The following PDE7B variants were observed in gnomAD, a reference collection of about 807,000 sequenced individuals.
PDE7B encodes the protein phosphodiesterase 7B.
A neutral mutation model predicts 56.2 loss-of-function variants in PDE7B; 29 were observed. The ratio of observed to expected loss-of-function variants is 0.52; its 90% CI spans 0.38 to 0.70. The LOEUF is 0.70. Ranked by LOEUF, PDE7B falls within the 30% of genes least tolerant of loss-of-function variation. The pLI, the probability that PDE7B is intolerant of heterozygous loss-of-function variation, is 0.00. For synonymous variants in PDE7B, 197 were observed against 196.9 expected, an observed-to-expected ratio of 1.00 and a Z score of 0.00; for missense variants, 490 against 565.0, an observed-to-expected ratio of 0.87 and a Z score of 1.35.
intron 2 of PDE7B, among the ~76,000 whole-genome samples, chr6:135,949,389 T>G (rs1774655241): frequency 6.6e-6 from 1 of 152,098 alleles, no homozygotes; most frequent in African/African-American, 2.4e-5. Flanking sequence ...TCTTCTAGAT[T>G]ATGTGGTATG....
chr6:136,168,713 G>C (rs1412570440), intron 8 of PDE7B, among the ~76,000 whole-genome samples: 4 of 152,150 alleles, frequency 2.6e-5, no homozygotes, highest in Admixed American at 1.3e-4. Context: ...ACTGATTGCA[G>C]ATGAGGGTTG....
At chr6:136,001,544 G>C (rs1259696120) in intron 2 of PDE7B, among the ~76,000 whole-genome samples, 1 of 152,076 alleles carries the variant, frequency 6.6e-6, no homozygotes, top group African/African-American at 2.4e-5. Flanking sequence ...CGAGAACTAC[G>C]TGAAGAATGC....
chr6:135,884,538 A>C (rs1303675941), intron 1 of PDE7B, among the ~76,000 whole-genome samples: 1 of 152,166 alleles, frequency 6.6e-6, no homozygotes, highest in Non-Finnish European at 1.5e-5. Context: ...TCCTGGTCCC[A>C]GTACTTTCTT....
intron 8 of PDE7B, among the ~76,000 whole-genome samples, chr6:136,172,651 T>G (rs868487342): frequency 0.025 from 3,793 of 151,914 alleles, 136 homozygotes; most frequent in African/African-American, 0.086. Flanking sequence ...AGATCCCATT[T>G]GTCAATTTTG....
intron 2 of PDE7B, among the ~76,000 whole-genome samples, chr6:135,964,813 G>T (rs114311246): frequency 0.014 from 2,152 of 152,226 alleles, 49 homozygotes; most frequent in African/African-American, 0.048. Context: ...TGCAGTAAAT[G>T]GACAGTAAAC....
chr6:135,974,375 A>T (rs916022323), intron 2 of PDE7B, among the ~76,000 whole-genome samples: 2 of 152,034 alleles, frequency 1.3e-5, no homozygotes, highest in Non-Finnish European at 2.9e-5. Flanking sequence ...CTCTCTACAA[A>T]ATACTACACT....
chr6:136,044,623 C>A (rs1382022185), intron 2 of PDE7B: 1 of 152,110 alleles, frequency 6.6e-6, no homozygotes, highest in Non-Finnish European at 1.5e-5. Context: ...GCTCTCTCTT[C>A]CTATAGAGAA....
chr6:135,876,221 C>A (rs1775489328), intron 1 of PDE7B, among the ~76,000 whole-genome samples: 1 of 152,094 alleles, frequency 6.6e-6, no homozygotes, highest in Non-Finnish European at 1.5e-5. Context: ...GCTGTAGTAC[C>A]CCACCATGCC....
chr6:136,170,639 A>G (rs112243419), intron 8 of PDE7B, among the ~76,000 whole-genome samples: 1 of 152,152 alleles, frequency 6.6e-6, no homozygotes, highest in African/African-American at 2.4e-5. Context: ...ATTTACAAGG[A>G]AGCAAAATTT....
intron 2 of PDE7B, among the ~76,000 whole-genome samples, chr6:136,021,114 G>A (rs1776062660): frequency 6.6e-6 from 1 of 152,120 alleles, no homozygotes; most frequent in Non-Finnish European, 1.5e-5. Context: ...CCTTCTGTAT[G>A]CCAGTAATTT....
intron 2 of PDE7B, among the ~76,000 whole-genome samples, chr6:136,060,755 G>A (rs1489085064): frequency 6.6e-6 from 1 of 152,192 alleles, no homozygotes; most frequent in Non-Finnish European, 1.5e-5. Context: ...GCCACTGTCT[G>A]TGCTGAGTAA....
At chr6:136,189,732 G>A (rs10214504) in intron 12 of PDE7B, among the ~76,000 whole-genome samples, 10,398 of 89,562 alleles carry the variant, frequency 0.12, 1,166 homozygotes, top group African/African-American at 0.33. Context: ...GCAACCCCCC[G>A]TCACCCCACC....
intron 2 of PDE7B, among the ~76,000 whole-genome samples, chr6:136,085,545 A>G (rs2099101877): frequency 6.6e-6 from 1 of 152,148 alleles, no homozygotes; most frequent in South Asian, 2.1e-4. Context: ...GTTCAGAGAA[A>G]CAGCTCTGTG....
chr6:136,114,167 C>T (rs1020330110), intron 3 of PDE7B, among the ~76,000 whole-genome samples: 8 of 152,174 alleles, frequency 5.3e-5, no homozygotes, highest in African/African-American at 1.9e-4. Context: ...AAGCTCTATT[C>T]CTTCAGACTT....
chr6:135,855,568 C>A (rs1359091567), intron 1 of PDE7B, among the ~76,000 whole-genome samples: 1 of 152,080 alleles, frequency 6.6e-6, no homozygotes, highest in Non-Finnish European at 1.5e-5. Flanking sequence ...TTTTGGAAAT[C>A]ATGTATTTGC....
intron 1 of PDE7B, among the ~76,000 whole-genome samples, chr6:135,870,715 A>G (rs1775362678): frequency 6.6e-6 from 1 of 152,026 alleles, no homozygotes; most frequent in Admixed American, 6.6e-5. Flanking sequence ...GAGGCCTATC[A>G]GTGAAACAGA....
intron 12 of PDE7B, among the ~76,000 whole-genome samples, chr6:136,189,919 TAAG>T: frequency 6.6e-6 from 1 of 152,326 alleles, no homozygotes; most frequent in Middle Eastern, 3.4e-3. Flanking sequence ...CTACCTAGCA[TAAG>T]AAGTCTTTAT....
chr6:136,039,096 C>A (rs768274818), intron 2 of PDE7B, among the ~76,000 whole-genome samples: 1 of 152,064 alleles, frequency 6.6e-6, no homozygotes, highest in Non-Finnish European at 1.5e-5. Flanking sequence ...AATATAAACA[C>A]CTTTATTGAT....
intron 3 of PDE7B, among the ~76,000 whole-genome samples, chr6:136,130,526 G>A (rs1391873976): frequency 6.6e-6 from 1 of 152,130 alleles, no homozygotes. Flanking sequence ...TCTTTTTCTT[G>A]CTCATATTTT....
Sources: gnomAD v4.1 joint callset for allele counts (sites outside exome capture counted in the v4.1 genomes callset) on GRCh38, gnomAD v4.1.1 for gene constraint, MANE v1.5 for transcripts, NCBI Gene and HGNC (gene_info 2026-07-23, HGNC 2026-07-21) for gene names.